The following HTR1F variants were observed in gnomAD, a reference collection of about 807,000 sequenced individuals.
HTR1F encodes the protein 5-hydroxytryptamine (serotonin) receptor 1F, G protein-coupled.
HTR1F carries 17 observed loss-of-function variants against 24.0 expected under a neutral mutation model. The observed-to-expected ratio is 0.71, with a 90% CI of 0.48 to 1.06. HTR1F has a LOEUF of 1.06. Ranked by LOEUF, HTR1F falls within the 50% of genes least tolerant of loss-of-function variation. The pLI is 0.00. For missense variants in HTR1F, 391 were observed against 427.8 expected, an observed-to-expected ratio of 0.91 and a Z score of 0.76; for synonymous variants, 186 against 156.8, an observed-to-expected ratio of 1.19 and a Z score of -1.39.
chr3:87,961,295 AT>A (rs1705055135), intron 2 of HTR1F, among the ~76,000 whole-genome samples: 1 of 152,110 alleles, frequency 6.6e-6, no homozygotes, highest in Admixed American at 6.6e-5. Flanking sequence ...AAGAAAATTA[AT>A]TTGATATGCT....
rs1200775338 is a variant in HTR1F at position 87,991,054 on chromosome 3, T to C, written c.305T>C (p.Val102Ala). The C allele has an allele frequency of 6.2e-6, 10 of 1,613,928 alleles. No individual in the cohort carries two copies. Among genetic ancestry groups the C allele is most frequent in the East Asian group, 2.2e-5 (1 of 44,900 alleles). The change falls in exon 3 of 3, where the codon GTT (valine) becomes GCT (alanine). Residue 102 changes from valine (V) to alanine (A), a missense_variant. Coordinates refer to ENST00000319595, the MANE Select transcript of HTR1F (RefSeq NM_001322209.2). ...GQVVCDIWLS[V>A]DITCCTCSIL... ...GTGGTCTGTGACATTTGGCTGAGTG[T>C]TGACATTACCTGCTGCACGTGCTCC... is the stretch of plus-strand genomic sequence containing the variant.
intron 2 of HTR1F, among the ~76,000 whole-genome samples, chr3:87,900,158 G>A (rs959430692): frequency 1.3e-5 from 2 of 152,092 alleles, no homozygotes; most frequent in Non-Finnish European, 2.9e-5. Context: ...TAAAGAAAAG[G>A]AAGTAAGGAG....
At chr3:87,904,073 A>G (rs974319584) in intron 2 of HTR1F, among the ~76,000 whole-genome samples, 1 of 152,162 alleles carries the variant, frequency 6.6e-6, no homozygotes, top group Non-Finnish European at 1.5e-5. Context: ...ACTTGAACCA[A>G]TAATTCACAA....
intron 2 of HTR1F, among the ~76,000 whole-genome samples, chr3:87,930,752 A>T (rs1033731223): frequency 1.3e-5 from 2 of 152,056 alleles, no homozygotes; most frequent in Admixed American, 1.3e-4. Flanking sequence ...TCAATCATAT[A>T]TGTAAAATAT....
chr3:87,901,520 G>T (rs1706322850), intron 2 of HTR1F, among the ~76,000 whole-genome samples: 1 of 152,112 alleles, frequency 6.6e-6, no homozygotes, highest in Non-Finnish European at 1.5e-5. Context: ...CACCCAATAA[G>T]TAGTAGTGGC....
chr3:87,938,152 A>G (rs571387927), intron 2 of HTR1F, among the ~76,000 whole-genome samples: 23 of 152,238 alleles, frequency 1.5e-4, no homozygotes, highest in African/African-American at 5.3e-4. Flanking sequence ...AACAACAGGC[A>G]AGCAGAGAGC....
intron 2 of HTR1F, among the ~76,000 whole-genome samples, chr3:87,907,196 TA>T (rs1332575673): frequency 9.2e-6 from 1 of 109,006 alleles, no homozygotes; most frequent in Non-Finnish European, 1.7e-5. Flanking sequence ...TGCCAACATT[TA>T]TTTTTTTTTT....
intron 2 of HTR1F, among the ~76,000 whole-genome samples, chr3:87,874,579 T>C (rs553408822): frequency 5.3e-5 from 8 of 150,992 alleles, no homozygotes; most frequent in Non-Finnish European, 1.0e-4. Context: ...CAAACCAGTA[T>C]ACAGATTCAA....
chr3:87,878,979 A>G (rs1382259806), intron 2 of HTR1F, among the ~76,000 whole-genome samples: 1 of 152,182 alleles, frequency 6.6e-6, no homozygotes, highest in Non-Finnish European at 1.5e-5. Context: ...TGTTATGTAT[A>G]TGTAAATATA....
intron 2 of HTR1F, among the ~76,000 whole-genome samples, chr3:87,866,781 G>A (rs1331323778): frequency 6.6e-6 from 1 of 151,294 alleles, no homozygotes; most frequent in Admixed American, 6.6e-5. Flanking sequence ...GTTCGGGTTA[G>A]AATTTATTAG....
At chr3:87,814,408 T>C (rs1704213646) in intron 1 of HTR1F, among the ~76,000 whole-genome samples, 1 of 152,174 alleles carries the variant, frequency 6.6e-6, no homozygotes, top group African/African-American at 2.4e-5. Context: ...TTAAAATCTC[T>C]CTTAGCAATT....
intron 2 of HTR1F, among the ~76,000 whole-genome samples, chr3:87,865,999 C>G (rs1290494073): frequency 6.6e-6 from 1 of 152,168 alleles, no homozygotes; most frequent in Non-Finnish European, 1.5e-5. Flanking sequence ...CTTCCCAATA[C>G]TTAGTTGTTT....
chr3:87,864,891 C>CAAAAA (rs751380551), intron 2 of HTR1F, among the ~76,000 whole-genome samples: 1 of 78,772 alleles, frequency 1.3e-5, no homozygotes, highest in Non-Finnish European at 2.8e-5. Context: ...GACTTCATCT[C>CAAAAA]AAAAAAAAAA....
At chr3:87,814,367 C>T (rs866574396) in intron 1 of HTR1F, among the ~76,000 whole-genome samples, 6 of 151,860 alleles carry the variant, frequency 4.0e-5, no homozygotes, top group African/African-American at 1.5e-4. Flanking sequence ...TATGTATTAC[C>T]TCATATAATA....
At chr3:87,878,716 G>A (rs1453475929) in intron 2 of HTR1F, among the ~76,000 whole-genome samples, 1 of 151,940 alleles carries the variant, frequency 6.6e-6, no homozygotes, top group Non-Finnish European at 1.5e-5. Flanking sequence ...TGTTGAAATG[G>A]AGGAAAGTAA....
chr3:87,869,454 TGATAGATAGATA>T (rs4038036), intron 2 of HTR1F, among the ~76,000 whole-genome samples: 1 of 124,772 alleles, frequency 8.0e-6, no homozygotes. Context: ...GATAGATAGA[TGATAGATAGATA>T]GATAGATAGA....
At chr3:87,969,613 G>A (rs1705243772) in intron 2 of HTR1F, among the ~76,000 whole-genome samples, 1 of 152,078 alleles carries the variant, frequency 6.6e-6, no homozygotes, top group Non-Finnish European at 1.5e-5. Context: ...TTATTTTATG[G>A]GCTCACAGGC....
At chr3:87,952,848 G>A (rs941739851) in intron 2 of HTR1F, among the ~76,000 whole-genome samples, 3 of 149,908 alleles carry the variant, frequency 2.0e-5, no homozygotes, top group Non-Finnish European at 4.5e-5. Context: ...CTTTTTACTT[G>A]TTTTTTTTTC....
At chr3:87,845,360 A>G (rs1344751714) in intron 2 of HTR1F, among the ~76,000 whole-genome samples, 1 of 151,568 alleles carries the variant, frequency 6.6e-6, no homozygotes, top group Non-Finnish European at 1.5e-5. Context: ...AAATCTCCTT[A>G]AGCTGATAAG....
Sources: allele counts gnomAD v4.1 joint callset (sites outside exome capture counted in the v4.1 genomes callset), GRCh38; gene constraint gnomAD v4.1.1; transcripts MANE v1.5; gene names NCBI Gene and HGNC (gene_info 2026-07-23, HGNC 2026-07-21).